Variants in PLCB1 observed in about 807,000 individuals in gnomAD.
PLCB1 encodes the protein 1-phosphatidylinositol 4,5-bisphosphate phosphodiesterase beta-1.
A neutral mutation model predicts 161.8 loss-of-function variants in PLCB1; 46 were observed. The ratio of observed to expected loss-of-function variants is 0.28; its 90% CI spans 0.22 to 0.36. PLCB1 has a LOEUF of 0.36. PLCB1 is among the 10% of genes least tolerant of loss of function. PLCB1 has a pLI of 1.00. For synonymous variants in PLCB1, 517 were observed against 503.7 expected (o/e 1.03, Z -0.35); for missense variants, 1,016 against 1,472.5 (o/e 0.69, Z 5.07).
chr20:8,727,438 G>A (rs780021278), intron 17 of PLCB1, 45 bp downstream of exon 17: 2 of 1,023,054 alleles, frequency 2.0e-6, no homozygotes, highest in South Asian at 1.4e-5. Flanking sequence ...CACAGCTGAA[G>A]TCTTGTGCTA....
intron 2 of PLCB1, among the ~76,000 whole-genome samples, chr20:8,276,472 G>A (rs141281043): frequency 1.3e-5 from 2 of 152,236 alleles, no homozygotes; most frequent in African/African-American, 4.8e-5. Flanking sequence ...CACTTGATAA[G>A]CACTTAATAC....
intron 2 of PLCB1, among the ~76,000 whole-genome samples, chr20:8,367,940 A>AATGAG (rs1402752602): frequency 6.6e-6 from 1 of 152,156 alleles, no homozygotes; most frequent in African/African-American, 2.4e-5. Context: ...TTTGTAGCCA[A>AATGAG]ATGAGTTCAT....
At chr20:8,141,663 A>G (rs2051405166) in intron 1 of PLCB1, among the ~76,000 whole-genome samples, 2 of 151,186 alleles carry the variant, frequency 1.3e-5, no homozygotes, top group Non-Finnish European at 2.9e-5. Flanking sequence ...TGTATGCTCT[A>G]TAGTCTTTAA....
chr20:8,251,713 G>C (rs977501165), intron 2 of PLCB1, among the ~76,000 whole-genome samples: 2 of 151,924 alleles, frequency 1.3e-5, no homozygotes, highest in African/African-American at 4.8e-5. Context: ...TAATAGAAAA[G>C]GGAATTTTCC....
chr20:8,415,406 A>G (rs1040255262), intron 3 of PLCB1, among the ~76,000 whole-genome samples: 1 of 152,226 alleles, frequency 6.6e-6, no homozygotes, highest in African/African-American at 2.4e-5. Flanking sequence ...TGATGTTGAC[A>G]ATTTATTGCA....
intron 31 of PLCB1, among the ~76,000 whole-genome samples, chr20:8,828,241 C>T (rs368123919): frequency 6.6e-6 from 1 of 152,142 alleles, no homozygotes; most frequent in East Asian, 1.9e-4. Flanking sequence ...CCTCAGCTTT[C>T]TCAGTGTCTT....
At chr20:8,459,694 G>A (rs905896171) in intron 3 of PLCB1, among the ~76,000 whole-genome samples, 1 of 152,136 alleles carries the variant, frequency 6.6e-6, no homozygotes, top group African/African-American at 2.4e-5. Context: ...GTGACTTCAG[G>A]TCATTGAAAC....
chr20:8,722,460 C>T (rs750806380), intron 15 of PLCB1, 39 bp downstream of exon 15: 3 of 1,445,276 alleles, frequency 2.1e-6, no homozygotes, highest in East Asian at 4.8e-5. Context: ...GGCATTCCAC[C>T]ACCCTGTACT....
intron 3 of PLCB1, among the ~76,000 whole-genome samples, chr20:8,523,018 G>A (rs1368909631): frequency 6.6e-6 from 1 of 152,136 alleles, no homozygotes; most frequent in Non-Finnish European, 1.5e-5. Context: ...GTTGGCCATA[G>A]AGCATGATTC....
At chr20:8,603,658 G>A (rs1987667349) in intron 3 of PLCB1, among the ~76,000 whole-genome samples, 1 of 152,230 alleles carries the variant, frequency 6.6e-6, no homozygotes, top group African/African-American at 2.4e-5. Context: ...CTCTGGGGTT[G>A]GACCTAGCAA....
intron 3 of PLCB1, among the ~76,000 whole-genome samples, chr20:8,605,907 T>C (rs1320071197): frequency 6.6e-6 from 1 of 152,250 alleles, no homozygotes; most frequent in Non-Finnish European, 1.5e-5. Flanking sequence ...TATGATTTTC[T>C]GTTTCTGAGT....
chr20:8,324,670 A>G (rs1985072972), intron 2 of PLCB1, among the ~76,000 whole-genome samples: 1 of 152,212 alleles, frequency 6.6e-6, no homozygotes, highest in Non-Finnish European at 1.5e-5. Context: ...GAATAAGACC[A>G]TTAATGTTCT....
chr20:8,573,868 G>T (rs573777773), intron 3 of PLCB1, among the ~76,000 whole-genome samples: 6 of 152,324 alleles, frequency 3.9e-5, no homozygotes, highest in Admixed American at 1.3e-4. Flanking sequence ...AGAATTCCAT[G>T]CTTCTGTAAG....
At chr20:8,473,792 A>G (rs945063146) in intron 3 of PLCB1, among the ~76,000 whole-genome samples, 5 of 152,208 alleles carry the variant, frequency 3.3e-5, no homozygotes, top group African/African-American at 1.2e-4. Flanking sequence ...GATTCTTGCA[A>G]AGGCTGGGCA....
chr20:8,397,010 C>T (rs998600394), intron 3 of PLCB1, among the ~76,000 whole-genome samples: 9 of 151,994 alleles, frequency 5.9e-5, no homozygotes, highest in African/African-American at 2.2e-4. Context: ...GGTAATGCCT[C>T]AAATTGTAAT....
intron 3 of PLCB1, among the ~76,000 whole-genome samples, chr20:8,564,238 G>A (rs993324167): frequency 5.1e-4 from 78 of 152,116 alleles, no homozygotes; most frequent in Non-Finnish European, 5.7e-4. Flanking sequence ...AATAGGGAAA[G>A]GATTCCCTAG....
At chr20:8,468,066 A>C (rs148190692) in intron 3 of PLCB1, among the ~76,000 whole-genome samples, 135 of 152,332 alleles carry the variant, frequency 8.9e-4, no homozygotes, top group Middle Eastern at 6.8e-3. Context: ...TGTGCAAAAG[A>C]CTACTTACTC....
At chr20:8,860,067 G>T (rs563001455) in intron 31 of PLCB1, among the ~76,000 whole-genome samples, 1 of 152,250 alleles carries the variant, frequency 6.6e-6, no homozygotes, top group Non-Finnish European at 1.5e-5. Flanking sequence ...TTTGAATTCT[G>T]ACTTCATCAT....
Position 8,788,511 on chromosome 20 carries a change from A to C in PLCB1, c.3174A>C (p.Lys1058Asn), listed in dbSNP as rs746291885. The C allele has an allele frequency of 6.2e-7, 1 of 1,613,614 alleles. No homozygotes were observed. Among genetic ancestry groups the C allele is most frequent in the South Asian group, 1.1e-5 (1 of 90,926 alleles). Residue 1058 changes from lysine to asparagine, a missense_variant, in exon 28 of 32, where the codon AAA (lysine) becomes AAC (asparagine). Coordinates refer to ENST00000338037, the MANE Select transcript of PLCB1 (RefSeq NM_015192.4). ...AGAACAATCAGTTAAAGAAGCTCAA[A>C]GAAATCTGTGAGAAGTAAGCCCTCA... is the stretch of plus-strand genomic sequence containing the variant. ...ECQNNQLKKL[K>N]EICEKEKKEL...
Sources: allele counts gnomAD v4.1 joint callset (sites outside exome capture counted in the v4.1 genomes callset), GRCh38; gene constraint gnomAD v4.1.1; transcripts MANE v1.5; gene names NCBI Gene and HGNC (gene_info 2026-07-23, HGNC 2026-07-21).